The following BRD1 variants were observed in gnomAD, a reference collection of about 807,000 sequenced individuals.
The protein encoded by BRD1 is bromodomain-containing protein 1.
A neutral mutation model predicts 107.7 loss-of-function variants in BRD1; 24 were observed. The ratio of observed to expected loss-of-function variants is 0.22; its 90% confidence interval spans 0.16 to 0.31. The LOEUF (loss-of-function observed/expected upper bound fraction) is 0.31. Among genes scored for constraint, BRD1 ranks in the 10% least tolerant of loss-of-function variants. The probability of loss-of-function intolerance (pLI) is 1.00; values close to 1 mark genes in which losing one functional copy is unlikely to be tolerated. For missense variants in BRD1, 1,279 were observed against 1,638.6 expected (o/e 0.78, Z 3.79); for synonymous variants, 744 against 686.1 (o/e 1.08, Z -1.32).
chr22:49,787,653 G>A lies in BRD1; in HGVS notation c.2594C>T (p.Ala865Val), dbSNP rs765678658. Residue 865 changes from alanine to valine, a missense_variant, in exon 8 of 13, where the codon GCG becomes GTG. This residue lies in a region of BRD1 where 406 missense variants were observed against 519.4 expected (regional missense o/e 0.78). Transcript: ENST00000404760. Reference sequence around the variant, plus strand: ...TGGCTCCGCCACCGCGGAGGCCGCCGCCGCCGGCACATCGCCACTACTGGC... The same window carrying A: ...TGGCTCCGCCACCGCGGAGGCCGCCACCGCCGGCACATCGCCACTACTGGC... ...TRASSGDVPA[A>V]AASAVAEPAS... The A allele has an allele frequency of 5.2e-6, 8 of 1,550,458 alleles. No individual in the cohort carries two copies. Among genetic ancestry groups the A allele is most frequent in the Admixed American group, 2.0e-5 (1 of 50,990 alleles).
Position 49,800,623 on chromosome 22 carries a change from C to G in BRD1, c.1525-1504G>C, listed in dbSNP as rs568863324. Among the ~76,000 whole-genome samples the G allele has an allele frequency of 4.6e-5, 7 of 152,328 alleles. No individual in the cohort carries two copies. In the South Asian group the frequency reaches 1.5e-3, roughly 32 times the overall value. On this transcript the variant is annotated intron_variant, in intron 3 of 12. Coordinates refer to ENST00000404760, the MANE Select transcript of BRD1 (RefSeq NM_001304808.3). Reference sequence around the variant, plus strand: ...CTAAGCAAACTTACTAGTCTGCTCCCCAACCTGGTTTAACAAACGCCATCG... The same window carrying G: ...CTAAGCAAACTTACTAGTCTGCTCCGCAACCTGGTTTAACAAACGCCATCG...
rs2060161251 is a variant in BRD1, at chr22:49,827,712, G to C, written c.-230C>G. On this transcript the variant is annotated 5_prime_UTR_variant, in exon 1 of 13. Transcript: ENST00000404760. ...TCGGGCAGCGGCTCGCGCGGCGCGG[G>C]CTCGGGCTCGGGGCCCAGCTGGAGG... Among the ~76,000 whole-genome samples, 4 of 144,740 alleles carry C rather than the reference G, an allele frequency of 2.8e-5. No homozygotes were observed. Among genetic ancestry groups the C allele is most frequent in the Admixed American group, 2.7e-4 (4 of 14,688 alleles). The allele number at this position is 144,740 out of a possible 152,430, so 95.0% of individuals were successfully genotyped here. A position where few individuals can be genotyped will look rare whatever the true frequency, so the allele number is the denominator to read the frequency against.
intron 2 of BRD1, among the ~76,000 whole-genome samples, chr22:49,804,797 G>C (rs1696113761): frequency 6.6e-6 from 1 of 152,094 alleles, no homozygotes; most frequent in Non-Finnish European, 1.5e-5. Flanking sequence ...GTTGGTGTGA[G>C]CCGAAATCGC....
chr22:49,789,647 T>C (rs777829428), intron 7 of BRD1, among the ~76,000 whole-genome samples: 5 of 152,078 alleles, frequency 3.3e-5, no homozygotes, highest in Non-Finnish European at 7.4e-5. Context: ...TGAAGGAGTC[T>C]CCTCCCAGCA....
intron 9 of BRD1, 35 bp from the exon 10 acceptor site, chr22:49,777,196 CGCCCCTGCCTTCA>C (rs962293055): frequency 1.2e-6 from 2 of 1,606,126 alleles, no homozygotes; most frequent in African/African-American, 2.7e-5. Flanking sequence ...TCAGGCGCCC[CGCCCCTGCCTTCA>C]GCCTCACTCG....
intron 2 of BRD1, among the ~76,000 whole-genome samples, chr22:49,821,372 C>CT (rs745865720): frequency 4.6e-5 from 7 of 152,306 alleles, no homozygotes; most frequent in Non-Finnish European, 7.4e-5. Flanking sequence ...AAACCCTAGA[C>CT]TTTTTGACTC....
At position 49,787,587 on chromosome 22, in the gene BRD1, T is replaced by A; in HGVS notation, c.2660A>T (p.Lys887Ile). 6.4e-7 allele frequency: 1 copy of A among 1,562,934 alleles called. No homozygotes were observed. The highest frequency in any genetic ancestry group is 1.4e-5 in the African/African-American group (1 of 73,474). Reference sequence around the variant, plus strand: ...CTTTGGGGGGCTTACACTTTTCGATTTGCAGAAGAGAACAGAAGTGCGTCT... The same window carrying A: ...CTTTGGGGGGCTTACACTTTTCGATATGCAGAAGAGAACAGAAGTGCGTCT... ...VNRRTSVLFC[K>I]SKSVSPPKSA... Residue 887 changes from lysine (K) to isoleucine (I), a missense_variant, in exon 8 of 13, where the codon AAA becomes ATA. Physicochemically the swap from Lys to Ile is moderately radical, Grantham distance 102. Coordinates refer to ENST00000404760, the MANE Select transcript of BRD1 (RefSeq NM_001304808.3).
rs1166250552 is a variant in BRD1 at position 49,794,103 on chromosome 22, G to T, written c.2290C>A (p.Pro764Thr). 6.2e-7 allele frequency: 1 copy of T among 1,614,238 alleles called. No individual in the cohort carries two copies. The highest frequency in any genetic ancestry group is 1.1e-5 in the South Asian group (1 of 91,090). The part of the protein sequence containing the change: ...KLSQQHSQPL[P>T]TGPGLEGFEE... ...AAGCCTTCCAAGCCTGGCCCCGTGG[G>T]CAGGGGCTGGCTGTGCTGCTGGCTC... The change falls in exon 7 of 13, where the codon CCC becomes ACC. Residue 764 changes from proline to threonine, a missense_variant. This residue lies in a region of BRD1 where 406 missense variants were observed against 519.4 expected (regional missense o/e 0.78). Transcript: ENST00000404760.
intron 7 of BRD1, among the ~76,000 whole-genome samples, chr22:49,789,990 C>A (rs1208302565): frequency 2.0e-5 from 3 of 152,228 alleles, no homozygotes; most frequent in Admixed American, 6.5e-5. Flanking sequence ...ATGCATGCAC[C>A]CCACACGCCC....
In BRD1 at chr22:49,823,132, T is replaced by C; in HGVS notation, c.1186A>G (p.Arg396Gly). ...ACATCCCCGTAAATATTCAGAGGCC[T>C]CCGGGTGCAGCCTGGAGGCGTGTGG... ...DVHTPPGCTR[R>G]PLNIYGDVEM... The change falls in exon 2 of 13, where the codon AGG becomes GGG. Residue 396 changes from arginine (R) to glycine (G), a missense_variant. Arg to Gly is a moderately radical substitution (Grantham distance 125). This residue lies in a region of BRD1 where 158 missense variants were observed against 310.2 expected (regional missense o/e 0.51). Coordinates refer to ENST00000404760, the MANE Select transcript of BRD1 (RefSeq NM_001304808.3). 6.2e-7 allele frequency: 1 copy of C among 1,614,198 alleles called. No homozygotes were observed. Among genetic ancestry groups the C allele is most frequent in the Non-Finnish European group, 8.5e-7 (1 of 1,180,022 alleles).
chr22:49,781,057 A>AGAG (rs1370603681), intron 8 of BRD1, among the ~76,000 whole-genome samples: 1 of 152,230 alleles, frequency 6.6e-6, no homozygotes, highest in Non-Finnish European at 1.5e-5. Flanking sequence ...ATACGTTAAA[A>AGAG]GAGGCGGCGG....
intron 3 of BRD1, among the ~76,000 whole-genome samples, chr22:49,800,493 G>A (rs1158825619): frequency 6.6e-6 from 1 of 152,104 alleles, no homozygotes; most frequent in Admixed American, 6.5e-5. Context: ...GCTTGCAATC[G>A]ACACTTCTGA....
At chr22:49,813,133 A>C (rs1321176347) in intron 2 of BRD1, among the ~76,000 whole-genome samples, 8 of 152,168 alleles carry the variant, frequency 5.3e-5, no homozygotes, top group Admixed American at 5.2e-4. Context: ...GCTCACCCCT[A>C]TGATCCCAGC....
chr22:49,777,166 G>C lies in BRD1; in HGVS notation c.2994-5C>G, dbSNP rs199924628. On this transcript the variant is annotated splice_polypyrimidine_tract_variant and splice_region_variant and intron_variant, in intron 9 of 12. Coordinates refer to ENST00000404760, the MANE Select transcript of BRD1 (RefSeq NM_001304808.3). ...CCACATTTGGGCGCATTAAAGCTTC[G>C]GGAGGAAGAGCAGAGGGAGTCAGGC... 2 of 1,612,392 alleles carry C rather than the reference G, an allele frequency of 1.2e-6. No individual in the cohort carries two copies. The highest frequency in any genetic ancestry group is 1.7e-6 in the Non-Finnish European group (2 of 1,179,874).
rs1388687598 is a variant in BRD1, at chr22:49,812,990, C to G, written c.1368-8630G>C. 2.0e-5 allele frequency among the ~76,000 whole-genome samples: 3 copies of G among 152,218 alleles called. No homozygotes were observed. In the East Asian group the frequency reaches 5.8e-4, roughly 29 times the overall value. ...CTGCTGGGTGGCCCAAGGTCCAGGT[C>G]ACAGCTGGCCTGAGACCAGGAGGCC... is the stretch of plus-strand genomic sequence containing the variant. On this transcript the variant is annotated intron_variant, in intron 2 of 12. Coordinates refer to ENST00000404760, the MANE Select transcript of BRD1 (RefSeq NM_001304808.3).
At chr22:49,802,762 T>A (rs1380996781) in intron 3 of BRD1, among the ~76,000 whole-genome samples, 2 of 152,222 alleles carry the variant, frequency 1.3e-5, no homozygotes, top group African/African-American at 4.8e-5. Context: ...GACTCTGGCC[T>A]CTTAAGAGCC....
At chr22:49,781,695 C>T (rs1259208852) in intron 8 of BRD1, among the ~76,000 whole-genome samples, 3 of 152,290 alleles carry the variant, frequency 2.0e-5, no homozygotes, top group South Asian at 4.1e-4. Context: ...GTGGGCTGAG[C>T]CTGCACCCTG....
intron 2 of BRD1, 25 bp from the exon 3 acceptor site, chr22:49,804,385 C>T: frequency 6.3e-7 from 1 of 1,579,172 alleles, no homozygotes; most frequent in Non-Finnish European, 8.6e-7. Flanking sequence ...CTCAGTGTAT[C>T]TTTGAAGCAG....
Position 49,809,259 on chromosome 22 carries a change from A to G in BRD1, c.1368-4899T>C, listed in dbSNP as rs141729959. Among the ~76,000 whole-genome samples the G allele has an allele frequency of 5.3e-5, 8 of 151,920 alleles. No individual in the cohort carries two copies. The East Asian group carries it at 1.6e-3, about 30-fold the overall frequency. ...GTTAAAAATTTAAAATTCCAGTTTT[A>G]GGCCAGGTGCAGTGGCTCACGCCTG... On this transcript the variant is annotated intron_variant, in intron 2 of 12. Coordinates refer to ENST00000404760, the MANE Select transcript of BRD1 (RefSeq NM_001304808.3).
Sources: allele counts gnomAD v4.1 joint callset (sites outside exome capture counted in the v4.1 genomes callset), GRCh38; gene constraint gnomAD v4.1.1; regional missense constraint gnomAD v4.1.1; transcripts MANE v1.5; gene names NCBI Gene and HGNC (gene_info 2026-07-23, HGNC 2026-07-21).